Variants in SGCZ observed in about 807,000 individuals in gnomAD.
SGCZ encodes the protein sarcoglycan zeta.
In SGCZ, 40 loss-of-function variants were observed where a neutral mutation model predicts 41.3. The ratio of observed to expected loss-of-function variants is 0.97; its 90% confidence interval spans 0.75 to 1.26. The LOEUF is 1.26. SGCZ is among the 50% of genes most tolerant of loss of function. The pLI is 0.00. For synonymous variants in SGCZ, 206 were observed against 137.5 expected (o/e 1.50, Z -3.49); for missense variants, 552 against 369.8 (o/e 1.49, Z -4.04).
At chr8:15,062,352 C>G (rs1229454571) in intron 1 of SGCZ, among the ~76,000 whole-genome samples, 1 of 152,068 alleles carries the variant, frequency 6.6e-6, no homozygotes, top group African/African-American at 2.4e-5. Context: ...ATATCATATA[C>G]TTTTTAAAAT....
At chr8:14,390,282 G>T (rs1029002611) in intron 2 of SGCZ, among the ~76,000 whole-genome samples, 2 of 151,596 alleles carry the variant, frequency 1.3e-5, no homozygotes, top group African/African-American at 2.4e-5. Context: ...ATTAAAATTT[G>T]TTTCTAATAA....
intron 1 of SGCZ, among the ~76,000 whole-genome samples, chr8:14,657,602 C>T (rs1807617752): frequency 6.6e-6 from 1 of 152,000 alleles, no homozygotes; most frequent in Non-Finnish European, 1.5e-5. Flanking sequence ...GGATTCTTAA[C>T]AGCTGCCAAT....
intron 2 of SGCZ, among the ~76,000 whole-genome samples, chr8:14,422,984 T>C (rs1278181014): frequency 6.6e-6 from 1 of 152,074 alleles, no homozygotes; most frequent in Non-Finnish European, 1.5e-5. Flanking sequence ...GCCATGATCA[T>C]GCCATTGTAC....
chr8:14,233,905 G>T (rs1012855084), intron 4 of SGCZ, among the ~76,000 whole-genome samples: 9 of 151,704 alleles, frequency 5.9e-5, no homozygotes, highest in Admixed American at 5.9e-4. Context: ...TGACCTCTTG[G>T]GATGTTGTAC....
intron 1 of SGCZ, among the ~76,000 whole-genome samples, chr8:15,135,778 G>C (rs549917383): frequency 6.6e-6 from 1 of 152,094 alleles, no homozygotes; most frequent in Non-Finnish European, 1.5e-5. Flanking sequence ...ATTCGAGGGT[G>C]AGCTGGTGGG....
intron 2 of SGCZ, among the ~76,000 whole-genome samples, chr8:14,421,190 G>A (rs916760878): frequency 3.3e-5 from 5 of 151,990 alleles, no homozygotes; most frequent in African/African-American, 9.7e-5. Flanking sequence ...ACATGGAATT[G>A]TATCATAAAT....
chr8:14,629,389 T>A (rs1045644196), intron 1 of SGCZ, among the ~76,000 whole-genome samples: 2 of 152,036 alleles, frequency 1.3e-5, no homozygotes, highest in Non-Finnish European at 1.5e-5. Flanking sequence ...AAATAAAGAA[T>A]AATGAATACA....
chr8:14,792,285 C>T (rs1192375134), intron 1 of SGCZ, among the ~76,000 whole-genome samples: 1 of 152,170 alleles, frequency 6.6e-6, no homozygotes, highest in Non-Finnish European at 1.5e-5. Flanking sequence ...ATTTCAGAAT[C>T]TCTATAGACA....
At chr8:14,407,905 C>G (rs1252604150) in intron 2 of SGCZ, among the ~76,000 whole-genome samples, 1 of 152,108 alleles carries the variant, frequency 6.6e-6, no homozygotes, top group African/African-American at 2.4e-5. Flanking sequence ...AAAGGAACCT[C>G]TTGAGTCTCA....
intron 1 of SGCZ, among the ~76,000 whole-genome samples, chr8:15,027,117 G>T (rs960826414): frequency 6.6e-6 from 1 of 152,122 alleles, no homozygotes; most frequent in African/African-American, 2.4e-5. Flanking sequence ...TCAGACCATT[G>T]TATCTCTGAA....
chr8:14,540,689 A>T lies in SGCZ; in HGVS notation c.234+14043T>A, dbSNP rs1803438724. ...TATGTTAGTGATCACATATCTTATT[A>T]CATAATTCCTTTGATTTTATATTGA... On this transcript the variant is annotated intron_variant, in intron 2 of 7. Transcript: ENST00000382080. 2.0e-5 allele frequency among the ~76,000 whole-genome samples: 3 copies of T among 152,018 alleles called. No homozygotes were observed. In the South Asian group the frequency reaches 6.2e-4, roughly 32 times the overall value.
chr8:14,367,699 A>G (rs1158033741), intron 2 of SGCZ, among the ~76,000 whole-genome samples: 1 of 151,910 alleles, frequency 6.6e-6, no homozygotes, highest in Non-Finnish European at 1.5e-5. Flanking sequence ...ATGAGAATTC[A>G]CTCCCTATCA....
intron 1 of SGCZ, among the ~76,000 whole-genome samples, chr8:14,613,348 C>T (rs185060528): frequency 6.7e-4 from 102 of 152,162 alleles, no homozygotes; most frequent in Non-Finnish European, 1.2e-3. Context: ...TATGAACGTA[C>T]GATTGGAACC....
intron 2 of SGCZ, among the ~76,000 whole-genome samples, chr8:14,452,946 T>C (rs1800636768): frequency 6.6e-6 from 1 of 151,616 alleles, no homozygotes; most frequent in South Asian, 2.1e-4. Context: ...CTACCAAAAA[T>C]ACAAAAATTA....
intron 1 of SGCZ, among the ~76,000 whole-genome samples, chr8:15,108,212 A>G (rs549404886): frequency 6.6e-6 from 1 of 152,186 alleles, no homozygotes; most frequent in Non-Finnish European, 1.5e-5. Context: ...AATTTTAATC[A>G]ATTTCATTAA....
At chr8:14,404,100 A>G (rs1201614899) in intron 2 of SGCZ, among the ~76,000 whole-genome samples, 3 of 152,132 alleles carry the variant, frequency 2.0e-5, no homozygotes, top group Non-Finnish European at 4.4e-5. Flanking sequence ...GAGATTAGAG[A>G]AGGAGGGTGC....
intron 1 of SGCZ, among the ~76,000 whole-genome samples, chr8:14,833,149 T>C (rs1280314570): frequency 6.6e-6 from 1 of 152,080 alleles, no homozygotes; most frequent in African/African-American, 2.4e-5. Flanking sequence ...ACAGGAATAA[T>C]GTAGTATTAA....
At chr8:14,289,643 G>A (rs1001128458) in intron 3 of SGCZ, among the ~76,000 whole-genome samples, 8 of 151,792 alleles carry the variant, frequency 5.3e-5, no homozygotes, top group African/African-American at 1.7e-4. Flanking sequence ...GTATAGAAAG[G>A]CCAGAAATAA....
At chr8:15,058,470 A>G (rs914530870) in intron 1 of SGCZ, among the ~76,000 whole-genome samples, 6 of 152,210 alleles carry the variant, frequency 3.9e-5, no homozygotes, top group African/African-American at 1.4e-4. Flanking sequence ...CGTGAAGTGT[A>G]TATTTGTCTG....
Sources: gnomAD v4.1 joint callset for allele counts (sites outside exome capture counted in the v4.1 genomes callset) on GRCh38, gnomAD v4.1.1 for gene constraint, MANE v1.5 for transcripts, NCBI Gene and HGNC (gene_info 2026-07-23, HGNC 2026-07-21) for gene names.